The following CREBL2 variants were observed in gnomAD, a reference collection of about 807,000 sequenced individuals.
The protein encoded by CREBL2 is cAMP-responsive element-binding protein-like 2.
A neutral mutation model predicts 19.5 loss-of-function variants in CREBL2; 4 were observed. The ratio of observed to expected loss-of-function variants is 0.20; its 90% CI spans 0.10 to 0.47. The LOEUF (loss-of-function observed/expected upper bound fraction) is 0.47. Among genes scored for constraint, CREBL2 ranks in the 20% least tolerant of loss-of-function variants. CREBL2 has a pLI of 0.98. For synonymous variants in CREBL2, 42 were observed against 46.6 expected, an observed-to-expected ratio of 0.90 and a Z score of 0.40; for missense variants, 85 against 145.1, an observed-to-expected ratio of 0.59 and a Z score of 2.13.
chr12:12,618,928 A>G (rs1163358428), intron 1 of CREBL2, among the ~76,000 whole-genome samples: 1 of 152,114 alleles, frequency 6.6e-6, no homozygotes, highest in South Asian at 2.1e-4. Context: ...AATCCCAGGC[A>G]CTCGGCAGGT....
chr12:12,635,263 G>A lies in CREBL2; in HGVS notation c.16-514G>A, dbSNP rs565315733. On this transcript the variant is annotated intron_variant, in intron 1 of 3. Transcript: ENST00000228865. The stretch of plus-strand genomic sequence containing the variant: ...TCATGCCTATAGTTACAGCGACACG[G>A]GAGGCTGAAGTGGAAGGATCACCTG... Among the ~76,000 whole-genome samples, 206 of 152,050 alleles carry A rather than the reference G, an allele frequency of 1.4e-3. 1 individual carries two copies. The highest frequency in any genetic ancestry group is 4.8e-3 in the African/African-American group (200 of 41,478).
chr12:12,624,701 A>T (rs1325481743), intron 1 of CREBL2, among the ~76,000 whole-genome samples: 1 of 152,210 alleles, frequency 6.6e-6, no homozygotes, highest in African/African-American at 2.4e-5. Flanking sequence ...CCATCCGTGG[A>T]TAGCTCAACT....
In CREBL2 at chr12:12,640,792, C is replaced by T. The variant is rs147694539; in HGVS notation, c.359-1202C>T. ...GTGGTTATAAAACCTTTATCAGATA[C>T]ATGATTTGCAGATATTTTCTCCCCT... is the stretch of plus-strand genomic sequence containing the variant. On this transcript the variant is annotated intron_variant, in intron 3 of 3. Transcript: ENST00000228865. Among the ~76,000 whole-genome samples the T allele has an allele frequency of 1.9e-3, 294 of 152,292 alleles. 1 individual carries two copies. The highest frequency in any genetic ancestry group is 2.9e-3 in the Non-Finnish European group (197 of 68,020).
Position 12,644,650 on chromosome 12 carries a change from A to G in CREBL2, c.*2652A>G, listed in dbSNP as rs1303260735. 2 of 152,692 alleles carry G rather than the reference A, an allele frequency of 1.3e-5. No individual in the cohort carries two copies. Among genetic ancestry groups the G allele is most frequent in the South Asian group, 2.1e-4 (1 of 4,826 alleles). 9.5% of individuals were successfully genotyped at this position (152,692 alleles called of 1,614,324 possible). On this transcript the variant is annotated 3_prime_UTR_variant, in exon 4 of 4. Transcript: ENST00000228865. Reference sequence around the variant, plus strand: ...GTTGAATTTCTTTAAAAAGTTTTCTATTTTATCTAAAATCTTTCCATTATA... The same window carrying G: ...GTTGAATTTCTTTAAAAAGTTTTCTGTTTTATCTAAAATCTTTCCATTATA...
intron 3 of CREBL2, 127 bp downstream of exon 3, chr12:12,637,841 G>A: frequency 9.7e-7 from 1 of 1,033,982 alleles, no homozygotes; most frequent in Non-Finnish European, 1.3e-6. Context: ...AGGAGTTCAA[G>A]ACCAGACAGG....
At chr12:12,617,352 T>C (rs1284402661) in intron 1 of CREBL2, among the ~76,000 whole-genome samples, 1 of 152,130 alleles carries the variant, frequency 6.6e-6, no homozygotes, top group East Asian at 1.9e-4. Flanking sequence ...TTTAGGAAAG[T>C]GTTAAGTAGC....
intron 1 of CREBL2, among the ~76,000 whole-genome samples, chr12:12,627,242 ATGT>A (rs1945408553): frequency 6.6e-6 from 1 of 152,212 alleles, no homozygotes; most frequent in Non-Finnish European, 1.5e-5. Context: ...CTAATGAAAG[ATGT>A]TAATAATAAG....
intron 1 of CREBL2, among the ~76,000 whole-genome samples, chr12:12,621,376 G>A (rs1171103456): frequency 6.6e-6 from 1 of 152,030 alleles, no homozygotes; most frequent in Non-Finnish European, 1.5e-5. Flanking sequence ...AAATTAGCTG[G>A]GCATGGTGGT....
chr12:12,628,423 T>C (rs1333384745), intron 1 of CREBL2, among the ~76,000 whole-genome samples: 3 of 152,206 alleles, frequency 2.0e-5, no homozygotes, highest in Non-Finnish European at 4.4e-5. Flanking sequence ...CCTTATCATA[T>C]TTGTGATTTA....
chr12:12,613,811 C>G (rs71457159), intron 1 of CREBL2, among the ~76,000 whole-genome samples: 29 of 151,878 alleles, frequency 1.9e-4, no homozygotes, highest in African/African-American at 6.8e-4. Flanking sequence ...ATTGTAGACT[C>G]TTCAGTTTTA....
intron 1 of CREBL2, among the ~76,000 whole-genome samples, chr12:12,626,339 A>T (rs1438788428): frequency 6.6e-6 from 1 of 152,284 alleles, no homozygotes; most frequent in East Asian, 1.9e-4. Flanking sequence ...TGTAATGGTT[A>T]ATTATAGAAT....
chr12:12,627,840 A>C (rs938529819), intron 1 of CREBL2, among the ~76,000 whole-genome samples: 1 of 152,320 alleles, frequency 6.6e-6, no homozygotes, highest in Non-Finnish European at 1.5e-5. Flanking sequence ...TCCCACAGCA[A>C]TGTATGAGGA....
At chr12:12,633,795 C>G (rs1317142426) in intron 1 of CREBL2, among the ~76,000 whole-genome samples, 1 of 152,160 alleles carries the variant, frequency 6.6e-6, no homozygotes. Context: ...TGATTTCAAA[C>G]AAATCAGAGT....
At chr12:12,641,244 A>AT (rs1566116871) in intron 3 of CREBL2, among the ~76,000 whole-genome samples, 4 of 15,602 alleles carry the variant, frequency 2.6e-4, no homozygotes, top group African/African-American at 4.4e-4. Context: ...TATTATTATT[A>AT]TTATTATTAT....
Position 12,644,622 on chromosome 12 carries a change from A to G in CREBL2, c.*2624A>G, listed in dbSNP as rs990575300. The stretch of plus-strand genomic sequence containing the variant: ...GTTTGACCAGGTCAAGTTTTAGGAT[A>G]TAGTTGAATTTCTTTAAAAAGTTTT... On this transcript the variant is annotated 3_prime_UTR_variant, in exon 4 of 4. Coordinates refer to ENST00000228865, the MANE Select transcript of CREBL2 (RefSeq NM_001310.4). 8 of 152,648 alleles carry G rather than the reference A, an allele frequency of 5.2e-5. No homozygotes were observed. The highest frequency in any genetic ancestry group is 1.9e-4 in the African/African-American group (8 of 41,458). 9.5% of individuals were successfully genotyped at this position (152,648 alleles called of 1,614,324 possible).
rs536527174 is a variant in CREBL2, at chr12:12,622,139, G to A, written c.15+9952G>A. 1.6e-3 allele frequency among the ~76,000 whole-genome samples: 237 copies of A among 152,226 alleles called. 3 individuals are homozygous for A. The highest frequency in any genetic ancestry group is 5.4e-3 in the African/African-American group (225 of 41,534). On this transcript the variant is annotated intron_variant, in intron 1 of 3. Coordinates refer to ENST00000228865, the MANE Select transcript of CREBL2 (RefSeq NM_001310.4). ...AATAAGGACCTTATTGAGTTATTGT[G>A]AGAATTAAATGTAATATATGTGTGA...
At chr12:12,612,291 T>G in intron 1 of CREBL2, 104 bp downstream of exon 1, 2 of 1,589,702 alleles carry the variant, frequency 1.3e-6, no homozygotes, top group South Asian at 2.2e-5. Flanking sequence ...AAGAGACACC[T>G]GCCTAAAACA....
intron 1 of CREBL2, among the ~76,000 whole-genome samples, chr12:12,621,352 C>T (rs893557569): frequency 6.6e-6 from 1 of 152,162 alleles, no homozygotes; most frequent in East Asian, 1.9e-4. Context: ...AACCCCATCT[C>T]TACTAAAAAT....
chr12:12,638,087 A>G (rs867012383), intron 3 of CREBL2, among the ~76,000 whole-genome samples: 13 of 152,112 alleles, frequency 8.5e-5, no homozygotes, highest in Admixed American at 7.2e-4. Flanking sequence ...CACTTTTCTT[A>G]GTATGTCTTT....
Sources: allele counts gnomAD v4.1 joint callset (sites outside exome capture counted in the v4.1 genomes callset), GRCh38; gene constraint gnomAD v4.1.1; transcripts MANE v1.5; gene names NCBI Gene and HGNC (gene_info 2026-07-23, HGNC 2026-07-21).